GRM7: variants seen among roughly 807,000 people sequenced by gnomAD.
GRM7 encodes metabotropic glutamate receptor 7.
Under a neutral mutation model 84.5 loss-of-function variants are expected in GRM7, and 35 were observed. The ratio of observed to expected loss-of-function variants is 0.41; its 90% CI spans 0.32 to 0.55. GRM7 has a LOEUF of 0.55. GRM7 is among the 20% of genes least tolerant of loss of function. GRM7 has a pLI of 0.19. For missense variants in GRM7, 1,003 were observed against 1,194.6 expected (o/e 0.84, Z 2.36); for synonymous variants, 487 against 455.1 (o/e 1.07, Z -0.89).
chr3:6,911,477 T>A (rs886603265), intron 1 of GRM7, among the ~76,000 whole-genome samples: 3 of 152,120 alleles, frequency 2.0e-5, no homozygotes, highest in African/African-American at 7.2e-5. Context: ...TATGTGTCCA[T>A]CAGAGTTTTC....
chr3:6,926,126 A>G (rs761137263), intron 1 of GRM7, among the ~76,000 whole-genome samples: 3 of 152,294 alleles, frequency 2.0e-5, no homozygotes, highest in African/African-American at 4.8e-5. Flanking sequence ...TGTAATTCTT[A>G]TGTCATAAAA....
intron 4 of GRM7, among the ~76,000 whole-genome samples, chr3:7,388,632 T>C (rs1694876387): frequency 6.6e-6 from 1 of 152,046 alleles, no homozygotes; most frequent in Non-Finnish European, 1.5e-5. Context: ...CGTTGATCTG[T>C]TCGGGATTTC....
At position 6,861,123 on chromosome 3, in the gene GRM7, G is replaced by A; in HGVS notation, c.-266G>A. ...GTCCCTGCCCTCTCCCCAGTGCTGG[G>A]CTGTTGGAGAGAGCGAGCAGCAAGC... On this transcript the variant is annotated 5_prime_UTR_variant, in exon 1 of 10. Coordinates refer to ENST00000357716, the MANE Select transcript of GRM7 (RefSeq NM_000844.4). This position sits in a 1 kb window ranked among gnomAD's most constrained non-coding sequence, Gnocchi z 6.4. 4 of 396,000 alleles carry A rather than the reference G, an allele frequency of 1.0e-5. No homozygotes were observed. The highest frequency in any genetic ancestry group is 8.9e-6 in the Non-Finnish European group (2 of 225,296). 24.5% of individuals were successfully genotyped at this position (396,000 alleles called of 1,614,324 possible). A position where few individuals can be genotyped will look rare whatever the true frequency, so the allele number is the denominator to read the frequency against.
At chr3:7,401,325 G>T (rs1320649153) in intron 4 of GRM7, among the ~76,000 whole-genome samples, 1 of 152,138 alleles carries the variant, frequency 6.6e-6, no homozygotes, top group Non-Finnish European at 1.5e-5. Context: ...CCTTAGAGGA[G>T]CAGAAAGTTG....
intron 4 of GRM7, among the ~76,000 whole-genome samples, chr3:7,336,434 G>A (rs77259569): frequency 6.6e-6 from 1 of 151,902 alleles, no homozygotes; most frequent in African/African-American, 2.4e-5. Flanking sequence ...ACAGTCAACA[G>A]TATACAGAAT....
intron 7 of GRM7, among the ~76,000 whole-genome samples, chr3:7,462,160 A>G (rs537380517): frequency 6.6e-6 from 1 of 152,326 alleles, no homozygotes; most frequent in African/African-American, 2.4e-5. Flanking sequence ...TTATCTGAGT[A>G]ATTGCAGTGC....
chr3:6,964,787 T>C (rs1374598722), intron 1 of GRM7, among the ~76,000 whole-genome samples: 2 of 152,216 alleles, frequency 1.3e-5, no homozygotes, highest in African/African-American at 2.4e-5. Context: ...AACTCATGAT[T>C]GTTCTTTTGT....
intron 9 of GRM7, among the ~76,000 whole-genome samples, chr3:7,691,643 T>G (rs184468816): frequency 6.6e-6 from 1 of 152,250 alleles, no homozygotes; most frequent in East Asian, 1.9e-4. Flanking sequence ...TCTGCTCATC[T>G]GGTTTTTTTA....
intron 8 of GRM7, among the ~76,000 whole-genome samples, chr3:7,667,874 A>T (rs1426130000): frequency 2.0e-5 from 3 of 152,062 alleles, no homozygotes; most frequent in African/African-American, 7.2e-5. Flanking sequence ...AAAAAAAAAA[A>T]AAAACTTCAA....
At chr3:7,512,524 C>T (rs915110148) in intron 7 of GRM7, among the ~76,000 whole-genome samples, 1 of 150,374 alleles carries the variant, frequency 6.7e-6, no homozygotes, top group African/African-American at 2.4e-5. Context: ...AAGAGAAGTA[C>T]TTTAGAAATC....
chr3:6,954,992 T>C (rs1201536821), intron 1 of GRM7, among the ~76,000 whole-genome samples: 1 of 152,134 alleles, frequency 6.6e-6, no homozygotes, highest in African/African-American at 2.4e-5. Context: ...CTCCAGGGGT[T>C]GAAGGAGTGA....
At chr3:7,143,691 A>C (rs1435378355) in intron 1 of GRM7, among the ~76,000 whole-genome samples, 1 of 152,170 alleles carries the variant, frequency 6.6e-6, no homozygotes, top group Non-Finnish European at 1.5e-5. Context: ...CAGTAGCTAC[A>C]TAAATGCAAA....
At chr3:7,728,017 A>G (rs1057124296) in intron 9 of GRM7, among the ~76,000 whole-genome samples, 1 of 152,204 alleles carries the variant, frequency 6.6e-6, no homozygotes, top group Admixed American at 6.5e-5. Context: ...CTAGCCAGGA[A>G]TCTTTCTGGT....
chr3:7,415,198 C>T, intron 5 of GRM7, 35 bp downstream of exon 5: 3 of 1,582,546 alleles, frequency 1.9e-6, no homozygotes, highest in Non-Finnish European at 2.6e-6. Context: ...TCCTATTACT[C>T]TACGTGGCTA....
At chr3:7,174,280 G>C (rs1695074375) in intron 2 of GRM7, among the ~76,000 whole-genome samples, 1 of 152,176 alleles carries the variant, frequency 6.6e-6, no homozygotes, top group Non-Finnish European at 1.5e-5. Context: ...ATTATGCTCA[G>C]ATAAAACTGG....
intron 2 of GRM7, among the ~76,000 whole-genome samples, chr3:7,239,271 G>A (rs941398721): frequency 2.0e-5 from 3 of 151,924 alleles, no homozygotes; most frequent in African/African-American, 7.2e-5. Context: ...AAAGTGCTAG[G>A]TTTATATACG....
chr3:7,441,439 T>G (rs1387573313), intron 5 of GRM7, among the ~76,000 whole-genome samples: 1 of 152,144 alleles, frequency 6.6e-6, no homozygotes, highest in African/African-American at 2.4e-5. Flanking sequence ...ATTTTTTGGG[T>G]TGTCTGTTTA....
At chr3:7,684,550 C>G (rs1194339836) in intron 9 of GRM7, among the ~76,000 whole-genome samples, 1 of 152,208 alleles carries the variant, frequency 6.6e-6, no homozygotes, top group Non-Finnish European at 1.5e-5. Flanking sequence ...CAACTCCACA[C>G]TGCAGCTACA....
At chr3:7,432,131 C>T (rs545475727) in intron 5 of GRM7, among the ~76,000 whole-genome samples, 47 of 152,260 alleles carry the variant, frequency 3.1e-4, no homozygotes, top group African/African-American at 9.9e-4. Flanking sequence ...GTTTTGCCTT[C>T]TGGATTCCAG....
Sources: allele counts gnomAD v4.1 joint callset (sites outside exome capture counted in the v4.1 genomes callset), GRCh38; gene constraint gnomAD v4.1.1; non-coding constraint Gnocchi (gnomAD v3.1); transcripts MANE v1.5; gene names NCBI Gene and HGNC (gene_info 2026-07-23, HGNC 2026-07-21).